Variants in VPS52 observed in about 807,000 individuals in gnomAD.
The protein encoded by VPS52 is VPS52 subunit of GARP complex.
Under a neutral mutation model 98.7 loss-of-function variants are expected in VPS52, and 56 were observed. The ratio of observed to expected loss-of-function variants is 0.57; its 90% confidence interval spans 0.46 to 0.71. The LOEUF is 0.71. Among genes scored for constraint, VPS52 ranks in the 30% least tolerant of loss-of-function variants. The pLI is 0.00. For missense variants in VPS52, 742 were observed against 925.9 expected (o/e 0.80, Z 2.58); for synonymous variants, 348 against 346.4 (o/e 1.00, Z -0.05).
chr6:33,271,454 G>T, intron 1 of VPS52, 132 bp downstream of exon 1: 2 of 1,319,486 alleles, frequency 1.5e-6, no homozygotes, highest in Non-Finnish European at 1.1e-6. Context: ...TCACAGGGAA[G>T]GGTACGGGGA....
In VPS52 at chr6:33,268,519, G is replaced by T; in HGVS notation, c.679C>A (p.Leu227Ile). The T allele has an allele frequency of 3.7e-6, 6 of 1,606,576 alleles. No homozygotes were observed. The highest frequency in any genetic ancestry group is 5.1e-6 in the Non-Finnish European group (6 of 1,175,714). Residue 227 changes from leucine (L) to isoleucine (I), a missense_variant, in exon 7 of 20, where the codon CTC becomes ATC. Leu to Ile is a conservative substitution (Grantham distance 5, BLOSUM62 2). Around this residue, in one of 2 missense-constraint regions of VPS52, gnomAD observed 590 missense variants for 793.3 expected, o/e 0.74. Coordinates refer to ENST00000445902, the MANE Select transcript of VPS52 (RefSeq NM_022553.6). The surrounding 1 kb of genome is among the most constrained non-coding windows in gnomAD (Gnocchi z 4.0). ...CCCACCTTGACCCGGAGCCGATCGAGCACGCCTCTGACATCTGCGCAGGCT... is the reference window on the plus strand; with the variant it reads ...CCCACCTTGACCCGGAGCCGATCGATCACGCCTCTGACATCTGCGCAGGCT... ...TAACADVRGV[L>I]DRLRVKAVTK...
intron 1 of VPS52, among the ~76,000 whole-genome samples, chr6:33,270,786 T>TA (rs1194402289): frequency 2.0e-5 from 3 of 149,534 alleles, no homozygotes; most frequent in Non-Finnish European, 4.5e-5. Flanking sequence ...CCGTCTCTAC[T>TA]AAAAAATACA....
intron 12 of VPS52, among the ~76,000 whole-genome samples, chr6:33,265,114 C>T (rs1223236980): frequency 2.0e-5 from 3 of 151,946 alleles, no homozygotes; most frequent in Non-Finnish European, 4.4e-5. Flanking sequence ...CTCTTGCCAC[C>T]CAAGCTGGAA....
At position 33,269,016 on chromosome 6, in the gene VPS52, G is replaced by C; in HGVS notation, c.546C>G (p.Val182=). The C allele has an allele frequency of 1.2e-6, 2 of 1,612,040 alleles. No homozygotes were observed. The highest frequency in any genetic ancestry group is 1.7e-6 in the Non-Finnish European group (2 of 1,179,856). The part of the protein sequence containing the change: ...VDGLVVPSAL[V]TAILEAPVTE... ...AACCCTTCAAACTGGTAACTCACGT[G>C]ACCAGAGCAGAAGGCACCACCAGAC... The change falls in exon 6 of 20, where the codon GTC becomes GTG. Residue 182 remains valine (V), a splice_region_variant and synonymous_variant. Coordinates refer to ENST00000445902, the MANE Select transcript of VPS52 (RefSeq NM_022553.6).
Position 33,271,622 on chromosome 6 carries a change from A to T in VPS52, c.54T>A (p.Ala18=). Residue 18 remains alanine (A), a synonymous_variant, in exon 1 of 20, where the codon GCT becomes GCA. Transcript: ENST00000445902. ...AAAARELVLR[A]GTSDMEEEEG... is the part of the protein sequence containing the mutation. ...CTTCCTCCTCCATATCTGAGGTCCCAGCCCGCAACACCAGTTCCCGGGCCG... is the reference window on the plus strand; with the variant it reads ...CTTCCTCCTCCATATCTGAGGTCCCTGCCCGCAACACCAGTTCCCGGGCCG... 7 of 1,612,290 alleles carry T rather than the reference A, an allele frequency of 4.3e-6. No individual in the cohort carries two copies. The highest frequency in any genetic ancestry group is 5.9e-6 in the Non-Finnish European group (7 of 1,179,366).
Position 33,267,727 on chromosome 6 carries a change from C to T in VPS52, c.946G>A (p.Ala316Thr), listed in dbSNP as rs765106122. 14 of 1,612,874 alleles carry T rather than the reference C, an allele frequency of 8.7e-6. No homozygotes were observed. Among genetic ancestry groups the T allele is most frequent in the Admixed American group, 1.7e-5 (1 of 59,986 alleles). ...ACACCCATTAGATCATCTTTCTCAG[C>T]GACTTCCTCATACTAAGGAAAGAGA... is the stretch of plus-strand genomic sequence containing the variant. Reference protein sequence around the residue: ...RLMKVQYEEVAEKDDLMGVED... With the variant: ...RLMKVQYEEVTEKDDLMGVED... The change falls in exon 10 of 20, where the codon GCT becomes ACT. Residue 316 changes from alanine to threonine, a missense_variant. Physicochemically the swap from Ala to Thr is moderately conservative, Grantham distance 58. Transcript: ENST00000445902. This position sits in a 1 kb window ranked among gnomAD's most constrained non-coding sequence, Gnocchi z 4.2.
At position 33,268,307 on chromosome 6, in the gene VPS52, G is replaced by A; in HGVS notation, c.700-99C>T. ...ACAAATGGTAAACATAGGCAGAAGG[G>A]TGGTGAATATCTCTTTGGTATTTCT... On this transcript the variant is annotated intron_variant, in intron 7 of 19. Coordinates refer to ENST00000445902, the MANE Select transcript of VPS52 (RefSeq NM_022553.6). The surrounding 1 kb of genome is among the most constrained non-coding windows in gnomAD (Gnocchi z 4.0). 1 of 1,368,522 alleles carries A rather than the reference G, an allele frequency of 7.3e-7. No individual in the cohort carries two copies. Among genetic ancestry groups the A allele is most frequent in the Non-Finnish European group, 1.0e-6 (1 of 970,356 alleles). 84.8% of individuals were successfully genotyped at this position (1,368,522 alleles called of 1,614,324 possible).
chr6:33,256,463 CAAAAAAAAAA>C (rs9280385), intron 17 of VPS52, among the ~76,000 whole-genome samples: 6 of 83,744 alleles, frequency 7.2e-5, no homozygotes, highest in Non-Finnish European at 1.2e-4. Context: ...AAACCTGTCT[CAAAAAAAAAA>C]AAAAAAAAAA....
chr6:33,268,904 T>C lies in VPS52; in HGVS notation c.548+110A>G. 7.0e-7 allele frequency: 1 copy of C among 1,434,470 alleles called. No homozygotes were observed. Among genetic ancestry groups the C allele is most frequent in the Non-Finnish European group, 9.4e-7 (1 of 1,061,244 alleles). 88.9% of individuals were successfully genotyped at this position (1,434,470 alleles called of 1,614,324 possible). A position where few individuals can be genotyped will look rare whatever the true frequency, so the allele number is the denominator to read the frequency against. On this transcript the variant is annotated intron_variant, in intron 6 of 19. Coordinates refer to ENST00000445902, the MANE Select transcript of VPS52 (RefSeq NM_022553.6). The surrounding 1 kb of genome is among the most constrained non-coding windows in gnomAD (Gnocchi z 4.0). ...ATGGTGGTTAACCTGGCTACTAATT[T>C]CTAAAAAGCACTTAACCTGGAGCCA... is the stretch of plus-strand genomic sequence containing the variant.
Position 33,267,432 on chromosome 6 carries a change from A to G in VPS52, c.992-111T>C. 1 of 1,478,246 alleles carries G rather than the reference A, an allele frequency of 6.8e-7. No individual in the cohort carries two copies. The highest frequency in any genetic ancestry group is 9.0e-7 in the Non-Finnish European group (1 of 1,106,214). The allele number at this position is 1,478,246 out of a possible 1,614,324, so 91.6% of individuals were successfully genotyped here. ...CGTGGCCTAGCCAGCCCTCTTTCCC[A>G]GTACTAGGGCCCCACGTGCTGACAT... On this transcript the variant is annotated intron_variant, in intron 10 of 19. Transcript: ENST00000445902. This position sits in a 1 kb window ranked among gnomAD's most constrained non-coding sequence, Gnocchi z 4.2.
chr6:33,270,184 C>G lies in VPS52; in HGVS notation c.175+15G>C. On this transcript the variant is annotated intron_variant, in intron 2 of 19. Transcript: ENST00000445902. Reference sequence around the variant, plus strand: ...CAGATTACAGGTACTGCACCCACCCCATGCCATCGCTTACCATCCACTTCA... The same window carrying G: ...CAGATTACAGGTACTGCACCCACCCGATGCCATCGCTTACCATCCACTTCA... The G allele has an allele frequency of 4.3e-6, 7 of 1,612,266 alleles. No homozygotes were observed. Among genetic ancestry groups the G allele is most frequent in the Non-Finnish European group, 5.1e-6 (6 of 1,178,440 alleles).
At chr6:33,264,233 A>G in intron 14 of VPS52, 130 bp from the exon 15 acceptor site, 1 of 1,536,424 alleles carries the variant, frequency 6.5e-7, no homozygotes, top group Non-Finnish European at 8.9e-7. Context: ...ACAGTGCACC[A>G]CTCACCATGA....
chr6:33,263,946 C>T, intron 15 of VPS52, 62 bp downstream of exon 15: 1 of 1,613,766 alleles, frequency 6.2e-7, no homozygotes, highest in South Asian at 1.1e-5. Context: ...CTGGCTCCTC[C>T]TCAGACTCCA....
At chr6:33,261,771 T>C (rs1448045062) in intron 17 of VPS52, among the ~76,000 whole-genome samples, 3 of 151,838 alleles carry the variant, frequency 2.0e-5, no homozygotes, top group African/African-American at 7.2e-5. Context: ...CTGGGCACGG[T>C]GGCTCACGCC....
intron 13 of VPS52, 88 bp from the exon 14 acceptor site, chr6:33,264,585 C>G: frequency 1.9e-6 from 3 of 1,575,670 alleles, no homozygotes; most frequent in Non-Finnish European, 1.7e-6. Context: ...GTTTAATGGT[C>G]AATAGCTAGT....
chr6:33,263,552 A>G lies in VPS52; in HGVS notation c.1729-3T>C. On this transcript the variant is annotated splice_polypyrimidine_tract_variant and splice_region_variant and intron_variant, in intron 16 of 19. Coordinates refer to ENST00000445902, the MANE Select transcript of VPS52 (RefSeq NM_022553.6). ...TTGCTGTCATCTGCAGCCCGCTCCTAAGGGAAGACAAAGGGAAATGTCTAG... is the reference window on the plus strand; with the variant it reads ...TTGCTGTCATCTGCAGCCCGCTCCTGAGGGAAGACAAAGGGAAATGTCTAG... 1 of 1,614,074 alleles carries G rather than the reference A, an allele frequency of 6.2e-7. No homozygotes were observed. Among genetic ancestry groups the G allele is most frequent in the Non-Finnish European group, 8.5e-7 (1 of 1,180,008 alleles).
At position 33,264,765 on chromosome 6, in the gene VPS52, G is replaced by A. The variant is rs1419565287; in HGVS notation, c.1400+17C>T. The A allele has an allele frequency of 3.1e-6, 5 of 1,608,684 alleles. No individual in the cohort carries two copies. In the African/African-American group the frequency reaches 5.3e-5, roughly 17 times the overall value. On this transcript the variant is annotated intron_variant, in intron 13 of 19. Transcript: ENST00000445902. The stretch of plus-strand genomic sequence containing the variant: ...AGTTCGTGGCCTGTTGGGCATCAAG[G>A]ACCAGAATTCAGTGACCTGTCCAGG...
Position 33,250,478 on chromosome 6 carries a change from G to T in VPS52, c.*363C>A. 1 of 235,394 alleles carries T rather than the reference G, an allele frequency of 4.2e-6. No individual in the cohort carries two copies. 14.6% of individuals were successfully genotyped at this position (235,394 alleles called of 1,614,324 possible). A position where few individuals can be genotyped will look rare whatever the true frequency, so the allele number is the denominator to read the frequency against. On this transcript the variant is annotated 3_prime_UTR_variant, in exon 20 of 20. Transcript: ENST00000445902. ...GAGCTGAGGAGGCTTCATGCCTCAG[G>T]ACATGGTGACTAGTTGAGTGAACCA... is the stretch of plus-strand genomic sequence containing the variant.
chr6:33,271,641 C>T lies in VPS52; in HGVS notation c.35G>A (p.Arg12Gln), dbSNP rs959071902. The T allele has an allele frequency of 6.2e-7, 1 of 1,610,718 alleles. No homozygotes were observed. The highest frequency in any genetic ancestry group is 2.2e-5 in the East Asian group (1 of 44,734). Residue 12 changes from arginine (R) to glutamine (Q), a missense_variant, in exon 1 of 20, where the codon CGG becomes CAG. Physicochemically the swap from Arg to Gln is conservative, Grantham distance 43. Transcript: ENST00000445902. ...GGTCCCAGCCCGCAACACCAGTTCC[C>T]GGGCCGCAGCCGCCATGGTCGCAGC... Reference protein sequence around the residue: ...AAAATMAAAARELVLRAGTSD... With the variant: ...AAAATMAAAAQELVLRAGTSD...
Sources: allele counts gnomAD v4.1 joint callset (sites outside exome capture counted in the v4.1 genomes callset), GRCh38; gene constraint gnomAD v4.1.1; regional missense constraint gnomAD v4.1.1; non-coding constraint Gnocchi (gnomAD v3.1); transcripts MANE v1.5; gene names NCBI Gene and HGNC (gene_info 2026-07-23, HGNC 2026-07-21).